The following KCNH5 variants were observed in gnomAD, a reference collection of about 807,000 sequenced individuals.
KCNH5 encodes the protein voltage-gated delayed rectifier potassium channel KCNH5.
A neutral mutation model predicts 96.1 loss-of-function variants in KCNH5; 46 were observed. The observed-to-expected ratio is 0.48, with a 90% confidence interval of 0.38 to 0.61. KCNH5 has a LOEUF of 0.61. KCNH5 is among the 20% of genes least tolerant of loss of function. KCNH5 has a pLI of 0.00. For missense variants in KCNH5, 907 were observed against 1,225.8 expected, an observed-to-expected ratio of 0.74 and a Z score of 3.88; for synonymous variants, 439 against 449.8, an observed-to-expected ratio of 0.98 and a Z score of 0.30.
At chr14:62,947,618 T>A (rs1003305982) in intron 7 of KCNH5, among the ~76,000 whole-genome samples, 1 of 152,088 alleles carries the variant, frequency 6.6e-6, no homozygotes, top group African/African-American at 2.4e-5. Context: ...TATTAACCTT[T>A]CATGTTCCAG....
At chr14:62,910,941 A>ACACACACACCCC (rs61033705) in intron 7 of KCNH5, among the ~76,000 whole-genome samples, 75 of 140,880 alleles carry the variant, frequency 5.3e-4, no homozygotes, top group East Asian at 1.9e-3. Flanking sequence ...ACACACACAC[A>ACACACACACCCC]CCCCTCTGTT....
At chr14:63,028,555 G>C (rs532746410) in intron 1 of KCNH5, among the ~76,000 whole-genome samples, 2 of 152,056 alleles carry the variant, frequency 1.3e-5, no homozygotes, top group African/African-American at 4.8e-5. Flanking sequence ...TCTAATTCTT[G>C]GCTGAAATAA....
Position 62,991,980 on chromosome 14 carries a change from C to T in KCNH5, c.434-4793G>A, listed in dbSNP as rs113909651. ...ATTTCTCATCATCCACCCTCTCCCA[C>T]GCCTTCACCCTCCCAAGTCTCCAAT... On this transcript the variant is annotated intron_variant, in intron 4 of 10. Transcript: ENST00000322893. 4.3e-3 allele frequency among the ~76,000 whole-genome samples: 653 copies of T among 152,060 alleles called. 5 individuals carry two copies. Among genetic ancestry groups the T allele is most frequent in the African/African-American group, 0.015 (622 of 41,536 alleles).
intron 7 of KCNH5, among the ~76,000 whole-genome samples, chr14:62,869,709 G>A (rs1017379390): frequency 1.3e-4 from 20 of 152,058 alleles, no homozygotes; most frequent in Non-Finnish European, 2.8e-4. Context: ...CTACAAGGCT[G>A]CAGTAACTGA....
At chr14:62,816,056 C>T (rs1386187303) in intron 8 of KCNH5, among the ~76,000 whole-genome samples, 2 of 151,754 alleles carry the variant, frequency 1.3e-5, no homozygotes, top group African/African-American at 2.4e-5. Context: ...TACATATTCT[C>T]ATATGCCATA....
intron 7 of KCNH5, among the ~76,000 whole-genome samples, chr14:62,913,587 T>G (rs773117929): frequency 6.6e-6 from 1 of 152,132 alleles, no homozygotes; most frequent in Non-Finnish European, 1.5e-5. Context: ...AATGTAGCAA[T>G]GGTTTGTTTA....
At chr14:62,811,162 T>A (rs940689592) in intron 8 of KCNH5, among the ~76,000 whole-genome samples, 1 of 152,154 alleles carries the variant, frequency 6.6e-6, no homozygotes, top group African/African-American at 2.4e-5. Flanking sequence ...TCAAGAGGTA[T>A]CTTAGCAAAT....
At chr14:62,968,346 A>G (rs1191251744) in intron 6 of KCNH5, among the ~76,000 whole-genome samples, 3 of 152,214 alleles carry the variant, frequency 2.0e-5, no homozygotes, top group African/African-American at 4.8e-5. Context: ...ATATCTGTTC[A>G]GAGACTGTGT....
chr14:62,780,090 T>C (rs1886178614), intron 9 of KCNH5, among the ~76,000 whole-genome samples, 166 bp from the exon 10 acceptor site: 1 of 152,224 alleles, frequency 6.6e-6, no homozygotes, highest in African/African-American at 2.4e-5. Context: ...TCATATAATA[T>C]GTAAAGTAAC....
intron 7 of KCNH5, among the ~76,000 whole-genome samples, chr14:62,935,548 T>G (rs1377011349): frequency 2.0e-5 from 3 of 152,278 alleles, no homozygotes; most frequent in South Asian, 2.1e-4. Flanking sequence ...CCTGGTTATT[T>G]TTCCCACAGA....
chr14:62,852,675 T>C (rs1248643326), intron 7 of KCNH5, among the ~76,000 whole-genome samples: 2 of 152,152 alleles, frequency 1.3e-5, no homozygotes, highest in Non-Finnish European at 2.9e-5. Flanking sequence ...TTATCACATA[T>C]ATAGATTCAT....
chr14:63,020,636 G>T (rs937718760), intron 1 of KCNH5, among the ~76,000 whole-genome samples: 2 of 152,074 alleles, frequency 1.3e-5, no homozygotes, highest in Non-Finnish European at 2.9e-5. Flanking sequence ...ATTTCTAAAG[G>T]GAATGGTGGA....
At chr14:62,838,584 G>A (rs1195019405) in intron 8 of KCNH5, among the ~76,000 whole-genome samples, 2 of 152,136 alleles carry the variant, frequency 1.3e-5, no homozygotes, top group Non-Finnish European at 2.9e-5. Context: ...GATAAGGAAA[G>A]TTTATTTAGA....
At chr14:63,024,914 C>T (rs1891497870) in intron 1 of KCNH5, among the ~76,000 whole-genome samples, 3 of 151,998 alleles carry the variant, frequency 2.0e-5, no homozygotes, top group Admixed American at 2.0e-4. Context: ...ACCCTGATAC[C>T]AGACAAGGAA....
At chr14:62,915,510 C>T (rs567002496) in intron 7 of KCNH5, among the ~76,000 whole-genome samples, 4 of 152,168 alleles carry the variant, frequency 2.6e-5, no homozygotes, top group Admixed American at 2.6e-4. Context: ...CAAGTGAATG[C>T]AGTAAAAGTA....
chr14:62,751,392 A>C (rs1035062203), intron 10 of KCNH5, among the ~76,000 whole-genome samples: 1 of 152,224 alleles, frequency 6.6e-6, no homozygotes, highest in Non-Finnish European at 1.5e-5. Context: ...CTGCCATGTC[A>C]TTGGTTACCC....
At chr14:62,787,545 A>G (rs976133532) in intron 9 of KCNH5, among the ~76,000 whole-genome samples, 1 of 152,230 alleles carries the variant, frequency 6.6e-6, no homozygotes, top group African/African-American at 2.4e-5. Context: ...TAGACAACAG[A>G]TTTTTAATGC....
At chr14:62,839,677 T>C (rs970637034) in intron 8 of KCNH5, among the ~76,000 whole-genome samples, 1 of 152,220 alleles carries the variant, frequency 6.6e-6, no homozygotes, top group Admixed American at 6.5e-5. Flanking sequence ...ATTATTTACA[T>C]GGAACACACA....
At chr14:63,018,572 C>T (rs957559507) in intron 1 of KCNH5, among the ~76,000 whole-genome samples, 3 of 151,984 alleles carry the variant, frequency 2.0e-5, no homozygotes, top group African/African-American at 7.2e-5. Context: ...TCCATCTAAA[C>T]AGAGAAGGCC....
Sources: allele counts gnomAD v4.1 joint callset (sites outside exome capture counted in the v4.1 genomes callset), GRCh38; gene constraint gnomAD v4.1.1; transcripts MANE v1.5; gene names NCBI Gene and HGNC (gene_info 2026-07-23, HGNC 2026-07-21).